Variants in NOL10 observed in about 807,000 individuals in gnomAD.
The protein encoded by NOL10 is nucleolar protein 10, also known as H_NH0074G24.1.
NOL10 carries 58 observed loss-of-function variants against 103.5 expected under a neutral mutation model. The observed-to-expected ratio is 0.56, with a 90% confidence interval of 0.45 to 0.70. NOL10 has a LOEUF of 0.70. Ranked by LOEUF, NOL10 falls within the 30% of genes least tolerant of loss-of-function variation. NOL10 has a pLI of 0.00. For missense variants in NOL10, 763 were observed against 807.3 expected (o/e 0.95, Z 0.67); for synonymous variants, 287 against 282.5 (o/e 1.02, Z -0.16).
intron 13 of NOL10, among the ~76,000 whole-genome samples, chr2:10,631,134 T>G (rs1382641191): frequency 6.6e-6 from 1 of 152,194 alleles, no homozygotes; most frequent in African/African-American, 2.4e-5. Flanking sequence ...ACTAACAGAT[T>G]CAGGGCCATT....
Position 10,639,151 on chromosome 2 carries a change from G to A in NOL10, c.1026+5169C>T, listed in dbSNP as rs371406231. 1.8e-3 allele frequency among the ~76,000 whole-genome samples: 270 copies of A among 151,834 alleles called. 2 individuals carry two copies. The highest frequency in any genetic ancestry group is 5.9e-3 in the African/African-American group (244 of 41,444). ...AAATCAAACAGCTTGGGCCAGGCGC[G>A]GTGGCTCACACCTGTAATCCCAGCA... On this transcript the variant is annotated intron_variant, in intron 13 of 20. Coordinates refer to ENST00000381685, the MANE Select transcript of NOL10 (RefSeq NM_024894.4).
chr2:10,639,095 G>A (rs1397931092), intron 13 of NOL10, among the ~76,000 whole-genome samples: 1 of 150,136 alleles, frequency 6.7e-6, no homozygotes, highest in Non-Finnish European at 1.5e-5. Flanking sequence ...GAGCCACCAT[G>A]CCTGGCCAAC....
chr2:10,674,967 A>C (rs1681203845), intron 4 of NOL10, among the ~76,000 whole-genome samples: 1 of 152,150 alleles, frequency 6.6e-6, no homozygotes, highest in Non-Finnish European at 1.5e-5. Flanking sequence ...ACTGTGGGAG[A>C]CCAAAGCAAA....
At chr2:10,641,852 C>A (rs763376762) in intron 13 of NOL10, among the ~76,000 whole-genome samples, 1 of 152,152 alleles carries the variant, frequency 6.6e-6, no homozygotes. Flanking sequence ...CTCTCCATAA[C>A]GCGGCTCTCC....
rs1301984187 is a variant in NOL10 at position 10,601,265 on chromosome 2, G to C, written c.1333-323C>G. On this transcript the variant is annotated intron_variant, in intron 16 of 20. Coordinates refer to ENST00000381685, the MANE Select transcript of NOL10 (RefSeq NM_024894.4). ...TTTTTAGTAGAGACGGGGTTTCACT[G>C]TGTCAGCCAGGACAGTCTCGGTCTC... 4.6e-5 allele frequency among the ~76,000 whole-genome samples: 7 copies of C among 152,202 alleles called. No homozygotes were observed. The East Asian group carries it at 1.2e-3, about 25-fold the overall frequency.
chr2:10,607,100 G>A, intron 14 of NOL10, 85 bp downstream of exon 14: 1 of 860,014 alleles, frequency 1.2e-6, no homozygotes, highest in Non-Finnish European at 1.7e-6. Flanking sequence ...GGTAAACATG[G>A]CTCAGCCAAT....
At chr2:10,610,980 T>C (rs1676534474) in intron 13 of NOL10, among the ~76,000 whole-genome samples, 2 of 152,242 alleles carry the variant, frequency 1.3e-5, no homozygotes, top group Non-Finnish European at 2.9e-5. Flanking sequence ...ACTTTCTTTT[T>C]TTCTTTTTAT....
At chr2:10,681,099 C>T (rs114631441) in intron 3 of NOL10, among the ~76,000 whole-genome samples, 4,977 of 152,040 alleles carry the variant, frequency 0.033, 282 homozygotes, top group African/African-American at 0.11. Context: ...TCAAAAATTC[C>T]ACTCCTAGGT....
chr2:10,687,017 A>C (rs1466279429), intron 1 of NOL10, among the ~76,000 whole-genome samples: 1 of 152,230 alleles, frequency 6.6e-6, no homozygotes, highest in Non-Finnish European at 1.5e-5. Flanking sequence ...ATGTGCTTAA[A>C]GCCAGGAGAC....
chr2:10,649,207 AG>A (rs1302831484), intron 12 of NOL10, among the ~76,000 whole-genome samples: 2 of 122,016 alleles, frequency 1.6e-5, no homozygotes, highest in African/African-American at 6.9e-5. Context: ...ACAGAAGCAC[AG>A]AGATAAATAA....
intron 3 of NOL10, among the ~76,000 whole-genome samples, chr2:10,676,988 G>C (rs1413080905): frequency 6.6e-6 from 1 of 151,090 alleles, no homozygotes; most frequent in Non-Finnish European, 1.5e-5. Flanking sequence ...GCCCAGGCTG[G>C]AGTGCAGAGG....
intron 4 of NOL10, among the ~76,000 whole-genome samples, chr2:10,675,368 A>G (rs1681233481): frequency 6.6e-6 from 1 of 152,038 alleles, no homozygotes; most frequent in South Asian, 2.1e-4. Context: ...GGGAACCACA[A>G]TCCTATAACC....
rs543559926 is a variant in NOL10 at position 10,636,376 on chromosome 2, G to A, written c.1026+7944C>T. Among the ~76,000 whole-genome samples the A allele has an allele frequency of 1.8e-4, 23 of 130,554 alleles. No homozygotes were observed. The South Asian group carries it at 3.9e-3, about 22-fold the overall frequency. The allele number at this position is 130,554 out of a possible 152,430, so 85.6% of individuals were successfully genotyped here. A position where few individuals can be genotyped will look rare whatever the true frequency, so the allele number is the denominator to read the frequency against. On this transcript the variant is annotated intron_variant, in intron 13 of 20. Coordinates refer to ENST00000381685, the MANE Select transcript of NOL10 (RefSeq NM_024894.4). ...AGACTGCTTGAGCCCAGGAGTTGGCGACCAGCCTGGGCAACATAGTGAAAC... is the reference window on the plus strand; with the variant it reads ...AGACTGCTTGAGCCCAGGAGTTGGCAACCAGCCTGGGCAACATAGTGAAAC...
Position 10,587,122 on chromosome 2 carries a change from TATATATAC to T in NOL10, c.1844+1913_1844+1920del, listed in dbSNP as rs1344348492. 4.1e-4 allele frequency among the ~76,000 whole-genome samples: 21 copies of T among 51,456 alleles called. 1 individual carries two copies. Among genetic ancestry groups the T allele is most frequent in the East Asian group, 9.4e-4 (2 of 2,120 alleles). The allele number at this position is 51,456 out of a possible 152,430, so 33.8% of individuals were successfully genotyped here. A position where few individuals can be genotyped will look rare whatever the true frequency, so the allele number is the denominator to read the frequency against. On this transcript the variant is annotated intron_variant, in intron 19 of 20. Transcript: ENST00000381685. ...ACACATATATATACATATATATACATATATATACATATATACACATATATATACATATA... is the reference window on the plus strand; with the variant it reads ...ACACATATATATACATATATATACATATATATACACATATATATACATATA...
At chr2:10,602,919 G>T in intron 15 of NOL10, 45 bp from the exon 16 acceptor site, 1 of 1,394,694 alleles carries the variant, frequency 7.2e-7, no homozygotes, top group Non-Finnish European at 1.0e-6. Flanking sequence ...AATGGTATTT[G>T]GTAATATCAT....
intron 9 of NOL10, among the ~76,000 whole-genome samples, chr2:10,661,927 G>A (rs1276781191): frequency 6.6e-6 from 1 of 151,246 alleles, no homozygotes; most frequent in Non-Finnish European, 1.5e-5. Context: ...AAACCCTCTA[G>A]TTTTTACATT....
intron 13 of NOL10, among the ~76,000 whole-genome samples, chr2:10,639,694 GAACT>G (rs1678566767): frequency 6.6e-6 from 1 of 152,178 alleles, no homozygotes; most frequent in South Asian, 2.1e-4. Context: ...TAATTATAAA[GAACT>G]AACCTAAGAT....
At chr2:10,669,474 A>C (rs1406434007) in intron 6 of NOL10, among the ~76,000 whole-genome samples, 1 of 135,358 alleles carries the variant, frequency 7.4e-6, no homozygotes, top group African/African-American at 2.8e-5. Context: ...TTTTATATAT[A>C]TATATATACA....
At chr2:10,596,655 G>A (rs558493320) in intron 17 of NOL10, among the ~76,000 whole-genome samples, 170 of 152,184 alleles carry the variant, frequency 1.1e-3, no homozygotes, top group South Asian at 3.5e-3. Flanking sequence ...CCTGGTGTGC[G>A]GCCTGATTCC....
Sources: allele counts gnomAD v4.1 joint callset (sites outside exome capture counted in the v4.1 genomes callset), GRCh38; gene constraint gnomAD v4.1.1; transcripts MANE v1.5; gene names NCBI Gene and HGNC (gene_info 2026-07-23, HGNC 2026-07-21).